SGCZ: variants seen among roughly 807,000 people sequenced by gnomAD.
SGCZ encodes the protein zeta-sarcoglycan.
A neutral mutation model predicts 41.3 loss-of-function variants in SGCZ; 40 were observed. The ratio of observed to expected loss-of-function variants is 0.97; its 90% CI spans 0.75 to 1.26. SGCZ has a LOEUF of 1.26. Among genes scored for constraint, SGCZ ranks in the 50% most tolerant of loss-of-function variants. SGCZ has a pLI of 0.00. For missense variants in SGCZ, 552 were observed against 369.8 expected, an observed-to-expected ratio of 1.49 and a Z score of -4.04; for synonymous variants, 206 against 137.5, an observed-to-expected ratio of 1.50 and a Z score of -3.49.
At chr8:15,055,074 A>T (rs1804656647) in intron 1 of SGCZ, among the ~76,000 whole-genome samples, 1 of 152,104 alleles carries the variant, frequency 6.6e-6, no homozygotes, top group Non-Finnish European at 1.5e-5. Flanking sequence ...CTAAAGAATA[A>T]GTGCCATCCT....
At chr8:14,377,086 C>T (rs1291439450) in intron 2 of SGCZ, among the ~76,000 whole-genome samples, 1 of 152,040 alleles carries the variant, frequency 6.6e-6, no homozygotes, top group South Asian at 2.1e-4. Flanking sequence ...CCTATATAGC[C>T]CCAGCATAGA....
At chr8:15,166,389 A>T (rs1023519569) in intron 1 of SGCZ, among the ~76,000 whole-genome samples, 2 of 151,784 alleles carry the variant, frequency 1.3e-5, no homozygotes, top group African/African-American at 4.8e-5. Context: ...CTGGGACTAC[A>T]GGCGCCCACC....
chr8:14,644,044 C>T (rs1232723309), intron 1 of SGCZ, among the ~76,000 whole-genome samples: 1 of 151,632 alleles, frequency 6.6e-6, no homozygotes, highest in Admixed American at 6.6e-5. Flanking sequence ...TCAAGGATAA[C>T]TTGAAATAAG....
intron 1 of SGCZ, among the ~76,000 whole-genome samples, chr8:14,898,654 G>A (rs1192198165): frequency 6.6e-6 from 1 of 152,172 alleles, no homozygotes. Flanking sequence ...GAAAGGATTT[G>A]ATAATGGATT....
chr8:14,257,711 C>G (rs1799514975), intron 3 of SGCZ, among the ~76,000 whole-genome samples: 1 of 151,262 alleles, frequency 6.6e-6, no homozygotes, highest in African/African-American at 2.4e-5. Context: ...GAATTCCCAC[C>G]TATGAGTGAG....
chr8:14,545,885 T>C (rs926892838), intron 2 of SGCZ, among the ~76,000 whole-genome samples: 1 of 152,340 alleles, frequency 6.6e-6, no homozygotes, highest in East Asian at 1.9e-4. Context: ...TTGCTATGTA[T>C]GATTTTGTGA....
At chr8:14,247,275 C>G (rs959488402) in intron 3 of SGCZ, among the ~76,000 whole-genome samples, 5 of 152,188 alleles carry the variant, frequency 3.3e-5, no homozygotes, top group African/African-American at 1.2e-4. Context: ...CCTTCTGGCT[C>G]CTGTCCACCT....
At chr8:14,748,433 C>A (rs759176199) in intron 1 of SGCZ, among the ~76,000 whole-genome samples, 14 of 152,092 alleles carry the variant, frequency 9.2e-5, no homozygotes, top group Non-Finnish European at 1.8e-4. Flanking sequence ...ATAAATTGGA[C>A]CAAAATCTTC....
chr8:15,016,038 A>G (rs1026248962), intron 1 of SGCZ, among the ~76,000 whole-genome samples: 2 of 152,116 alleles, frequency 1.3e-5, no homozygotes, highest in East Asian at 1.9e-4. Context: ...CTTTATTGCT[A>G]AAACTAATTT....
At chr8:15,161,488 A>G (rs1203030807) in intron 1 of SGCZ, among the ~76,000 whole-genome samples, 1 of 152,100 alleles carries the variant, frequency 6.6e-6, no homozygotes, top group South Asian at 2.1e-4. Context: ...CCAGGGCTGT[A>G]TGTGTTTTGC....
chr8:14,277,347 G>GGCTTC (rs139196981), intron 3 of SGCZ, among the ~76,000 whole-genome samples: 8 of 151,774 alleles, frequency 5.3e-5, no homozygotes, highest in Admixed American at 3.3e-4. Flanking sequence ...TACATAGTAT[G>GGCTTC]CCTTCCTCTT....
chr8:15,025,848 A>T (rs1803437110), intron 1 of SGCZ, among the ~76,000 whole-genome samples: 1 of 152,156 alleles, frequency 6.6e-6, no homozygotes, highest in Non-Finnish European at 1.5e-5. Flanking sequence ...CTAAACTGTA[A>T]TTTTTATATA....
intron 1 of SGCZ, among the ~76,000 whole-genome samples, chr8:14,975,813 G>GTGTGTA (rs1563404283): frequency 4.7e-5 from 3 of 63,784 alleles, no homozygotes; most frequent in Non-Finnish European, 1.4e-4. Flanking sequence ...ATATATATGT[G>GTGTGTA]TGTGTGTGTG....
rs529069268 is a variant in SGCZ at position 15,011,839 on chromosome 8, A to G, written c.39+225746T>C. Among the ~76,000 whole-genome samples, 11 of 152,326 alleles carry G rather than the reference A, an allele frequency of 7.2e-5. No homozygotes were observed. In the South Asian group the frequency reaches 1.7e-3, roughly 23 times the overall value. On this transcript the variant is annotated intron_variant, in intron 1 of 7. Coordinates refer to ENST00000382080, the MANE Select transcript of SGCZ (RefSeq NM_139167.4). ...AAATTTGACAAAATTAATTATATTG[A>G]TGGTGGCTTTTAAAATCACAAAATT...
intron 1 of SGCZ, among the ~76,000 whole-genome samples, chr8:14,839,894 T>A (rs930338458): frequency 1.3e-5 from 2 of 152,194 alleles, no homozygotes; most frequent in Admixed American, 6.5e-5. Flanking sequence ...TCATTTTAAA[T>A]CAGTAGAAAT....
At chr8:14,686,917 G>T (rs1163461119) in intron 1 of SGCZ, among the ~76,000 whole-genome samples, 3 of 151,776 alleles carry the variant, frequency 2.0e-5, no homozygotes, top group African/African-American at 7.3e-5. Flanking sequence ...TTCAAACTGG[G>T]TCCCTGAATT....
intron 1 of SGCZ, among the ~76,000 whole-genome samples, chr8:15,084,339 CCA>C (rs1805870859): frequency 6.6e-6 from 1 of 152,240 alleles, no homozygotes; most frequent in East Asian, 1.9e-4. Context: ...AATTACAACA[CCA>C]CAGAGATTAT....
chr8:14,587,052 A>G (rs1805082224), intron 1 of SGCZ, among the ~76,000 whole-genome samples: 1 of 151,894 alleles, frequency 6.6e-6, no homozygotes, highest in South Asian at 2.1e-4. Flanking sequence ...ATAAACTTGG[A>G]TTTTATTATT....
At chr8:14,711,356 G>A (rs1809507762) in intron 1 of SGCZ, among the ~76,000 whole-genome samples, 1 of 150,988 alleles carries the variant, frequency 6.6e-6, no homozygotes, top group African/African-American at 2.4e-5. Flanking sequence ...TTGGGAGGCT[G>A]AGGCTGGCAG....
Sources: gnomAD v4.1 joint callset for allele counts (sites outside exome capture counted in the v4.1 genomes callset) on GRCh38, gnomAD v4.1.1 for gene constraint, MANE v1.5 for transcripts, NCBI Gene and HGNC (gene_info 2026-07-23, HGNC 2026-07-21) for gene names.